ITGA8: variants seen among roughly 807,000 people sequenced by gnomAD.
ITGA8 encodes the protein integrin subunit alpha 8.
A neutral mutation model predicts 142.3 loss-of-function variants in ITGA8; 91 were observed. The ratio of observed to expected loss-of-function variants is 0.64; its 90% CI spans 0.54 to 0.76. The LOEUF is 0.76. Among genes scored for constraint, ITGA8 ranks in the 30% least tolerant of loss-of-function variants. The pLI, the probability that ITGA8 is intolerant of heterozygous loss-of-function variation, is 0.00. For synonymous variants in ITGA8, 505 were observed against 485.2 expected, an observed-to-expected ratio of 1.04 and a Z score of -0.54; for missense variants, 1,406 against 1,327.7, an observed-to-expected ratio of 1.06 and a Z score of -0.92.
chr10:15,569,049 G>T (rs545100193), intron 25 of ITGA8, among the ~76,000 whole-genome samples: 48 of 152,304 alleles, frequency 3.2e-4, no homozygotes, highest in South Asian at 1.2e-3. Flanking sequence ...GATCTGTGGG[G>T]ATCAGGGAGA....
chr10:15,605,689 A>C, intron 19 of ITGA8, 35 bp downstream of exon 19: 2 of 1,511,214 alleles, frequency 1.3e-6, no homozygotes, highest in Non-Finnish European at 1.8e-6. Flanking sequence ...TAATTCCATT[A>C]GATAGAAAGT....
intron 27 of ITGA8, among the ~76,000 whole-genome samples, chr10:15,548,098 A>ATTTTTTTTTTTT (rs1213511861): frequency 6.1e-5 from 9 of 147,214 alleles, no homozygotes; most frequent in African/African-American, 2.3e-4. Context: ...TCAAGTTTTA[A>ATTTTTTTTTTTT]TTTTTTTTTT....
rs1341219848 is a variant in ITGA8, at chr10:15,531,030, A to G, written c.2982+20T>C. 4.5e-6 allele frequency: 5 copies of G among 1,108,080 alleles called. No homozygotes were observed. Among genetic ancestry groups the G allele is most frequent in the South Asian group, 1.4e-5 (1 of 69,972 alleles). 68.6% of individuals were successfully genotyped at this position (1,108,080 alleles called of 1,614,324 possible). The stretch of plus-strand genomic sequence containing the variant: ...TTTCAATTAAATTATTTGTGCCTAT[A>G]TATATTTAAAGATACTCACTACTAT... On this transcript the variant is annotated intron_variant, in intron 28 of 29. Transcript: ENST00000378076.
intron 13 of ITGA8, among the ~76,000 whole-genome samples, chr10:15,617,698 G>A (rs1356504143): frequency 3.3e-5 from 5 of 152,044 alleles, no homozygotes; most frequent in African/African-American, 7.2e-5. Context: ...TGCACCTGGC[G>A]GGCTTTTCTT....
intron 27 of ITGA8, among the ~76,000 whole-genome samples, chr10:15,538,935 T>A (rs1833510794): frequency 6.8e-6 from 1 of 146,898 alleles, no homozygotes; most frequent in Admixed American, 7.0e-5. Context: ...AGAAACCACC[T>A]GACATTTTCA....
At chr10:15,655,921 A>G (rs1834175750) in intron 10 of ITGA8, among the ~76,000 whole-genome samples, 1 of 152,142 alleles carries the variant, frequency 6.6e-6, no homozygotes, top group South Asian at 2.1e-4. Flanking sequence ...CCTCATCCCT[A>G]CAAAAAATAA....
intron 28 of ITGA8, among the ~76,000 whole-genome samples, 154 bp from the exon 29 acceptor site, chr10:15,519,566 T>C (rs933777678): frequency 6.6e-6 from 1 of 152,156 alleles, no homozygotes; most frequent in African/African-American, 2.4e-5. Flanking sequence ...CACTCGAACA[T>C]GAACTCTTAA....
In ITGA8 at chr10:15,580,961, T is replaced by C. The variant is rs1403755671; in HGVS notation, c.2373-5367A>G. On this transcript the variant is annotated intron_variant, in intron 23 of 29. Coordinates refer to ENST00000378076, the MANE Select transcript of ITGA8 (RefSeq NM_003638.3). The stretch of plus-strand genomic sequence containing the variant: ...AGAAAAAAAATGAAAGGCATAAGTA[T>C]GTAACAAATAATTTAACCTTGTCCA... Among the ~76,000 whole-genome samples, 3 of 152,356 alleles carry C rather than the reference T, an allele frequency of 2.0e-5. No homozygotes were observed. In the East Asian group the frequency reaches 5.8e-4, roughly 29 times the overall value.
intron 21 of ITGA8, among the ~76,000 whole-genome samples, chr10:15,593,085 C>T (rs746716541): frequency 1.2e-4 from 18 of 152,160 alleles, no homozygotes; most frequent in African/African-American, 1.9e-4. Context: ...GTCTACAAAT[C>T]GAAAAATTCC....
At chr10:15,668,526 G>A (rs372099500) in intron 8 of ITGA8, among the ~76,000 whole-genome samples, 1 of 151,844 alleles carries the variant, frequency 6.6e-6, no homozygotes, top group African/African-American at 2.4e-5. Context: ...TACATTTAAA[G>A]TTAATATTTT....
intron 23 of ITGA8, among the ~76,000 whole-genome samples, chr10:15,578,873 T>A (rs1050861947): frequency 1.3e-5 from 2 of 152,134 alleles, no homozygotes; most frequent in Non-Finnish European, 2.9e-5. Context: ...AACTGATCCT[T>A]TGTACCACAA....
intron 12 of ITGA8, among the ~76,000 whole-genome samples, 186 bp downstream of exon 12, chr10:15,646,660 A>G (rs1264975329): frequency 6.6e-6 from 1 of 152,226 alleles, no homozygotes; most frequent in African/African-American, 2.4e-5. Flanking sequence ...GGAAATTTCC[A>G]TGTAATATTT....
At chr10:15,544,593 C>T (rs1833634557) in intron 27 of ITGA8, among the ~76,000 whole-genome samples, 1 of 152,312 alleles carries the variant, frequency 6.6e-6, no homozygotes, top group East Asian at 1.9e-4. Context: ...ACAGGATTTA[C>T]AGTTTATGCT....
chr10:15,587,435 C>A (rs1481674244), intron 22 of ITGA8, among the ~76,000 whole-genome samples: 1 of 152,134 alleles, frequency 6.6e-6, no homozygotes, highest in Non-Finnish European at 1.5e-5. Context: ...ATCGAAACAG[C>A]ATTTGTGTTT....
chr10:15,713,321 T>C (rs1363280111), intron 2 of ITGA8, among the ~76,000 whole-genome samples: 1 of 152,210 alleles, frequency 6.6e-6, no homozygotes, highest in Non-Finnish European at 1.5e-5. Flanking sequence ...AATATTGTGG[T>C]GTGTGCTTGT....
At chr10:15,632,988 CT>C (rs1833710874) in intron 13 of ITGA8, among the ~76,000 whole-genome samples, 1 of 152,156 alleles carries the variant, frequency 6.6e-6, no homozygotes, top group African/African-American at 2.4e-5. Flanking sequence ...TTATCCTCCC[CT>C]GGGATACTTT....
chr10:15,707,835 A>AG (rs1315383150), intron 2 of ITGA8, among the ~76,000 whole-genome samples: 1 of 151,274 alleles, frequency 6.6e-6, no homozygotes, highest in Non-Finnish European at 1.5e-5. Context: ...AAAAAAAAAA[A>AG]GGAAAGAAAA....
chr10:15,629,976 A>G (rs1443741288), intron 13 of ITGA8, among the ~76,000 whole-genome samples: 1 of 152,008 alleles, frequency 6.6e-6, no homozygotes, highest in African/African-American at 2.4e-5. Context: ...GTTTGGAGAA[A>G]GGCACAGACC....
rs184572097 is a variant in ITGA8, at chr10:15,651,561, G to A, written c.1001+3793C>T. Among the ~76,000 whole-genome samples the A allele has an allele frequency of 4.2e-3, 638 of 150,542 alleles. 3 individuals carry two copies. Among genetic ancestry groups the A allele is most frequent in the African/African-American group, 0.015 (611 of 40,922 alleles). ...TTTTTTTTCGTGATGTTGAGATTTT[G>A]GAGCTCTTTTAGGGACCTTGTTTTT... On this transcript the variant is annotated intron_variant, in intron 11 of 29. Transcript: ENST00000378076.
Sources: gnomAD v4.1 joint callset for allele counts (sites outside exome capture counted in the v4.1 genomes callset) on GRCh38, gnomAD v4.1.1 for gene constraint, MANE v1.5 for transcripts, NCBI Gene and HGNC (gene_info 2026-07-23, HGNC 2026-07-21) for gene names.